Variants in BMAL2 observed in about 807,000 individuals in gnomAD.
BMAL2 encodes the protein basic helix-loop-helix ARNT like 2, also known as basic helix-loop-helix ARNT-like protein 2.
the BMAL2 span, among the ~76,000 whole-genome samples, chr12:27,342,080 G>A: frequency 6.6e-6 from 1 of 152,048 alleles, no homozygotes; most frequent in African/African-American, 2.4e-5. Context: ...GGGACCACAG[G>A]TGTGCACCAC....
chr12:27,378,809 T>C, the BMAL2 span, among the ~76,000 whole-genome samples: 1 of 152,140 alleles, frequency 6.6e-6, no homozygotes, highest in Non-Finnish European at 1.5e-5. Context: ...GAGCCTAAAT[T>C]AAGATGATGA....
chr12:27,380,901 G>A, the BMAL2 span, among the ~76,000 whole-genome samples: 1 of 152,034 alleles, frequency 6.6e-6, no homozygotes, highest in East Asian at 1.9e-4. Flanking sequence ...TGGGAGGATC[G>A]CTTGAGCCTG....
chr12:27,375,699 G>A, the BMAL2 span, among the ~76,000 whole-genome samples: 1 of 152,160 alleles, frequency 6.6e-6, no homozygotes, highest in African/African-American at 2.4e-5. Flanking sequence ...AATCTTTTAA[G>A]ATTACATATT....
the BMAL2 span, among the ~76,000 whole-genome samples, chr12:27,335,408 G>A: frequency 6.6e-6 from 1 of 152,194 alleles, no homozygotes; most frequent in East Asian, 1.9e-4. Context: ...CTCACTGCCA[G>A]AGATGGTCTG....
chr12:27,362,214 C>T, the BMAL2 span, among the ~76,000 whole-genome samples: 1 of 152,054 alleles, frequency 6.6e-6, no homozygotes, highest in African/African-American at 2.4e-5. Flanking sequence ...AAATTCCCTG[C>T]ACTTTTTCTG....
At chr12:27,355,088 T>C in the BMAL2 span, among the ~76,000 whole-genome samples, 3 of 152,194 alleles carry the variant, frequency 2.0e-5, no homozygotes, top group Non-Finnish European at 4.4e-5. Context: ...TATTTGAGCC[T>C]CATTGCCATT....
chr12:27,404,017 C>T, the BMAL2 span, among the ~76,000 whole-genome samples: 7 of 150,944 alleles, frequency 4.6e-5, no homozygotes, highest in African/African-American at 1.5e-4. Context: ...AAAAAATTAG[C>T]TGGATGTGGT....
At chr12:27,381,301 A>G in the BMAL2 span, among the ~76,000 whole-genome samples, 4,349 of 152,300 alleles carry the variant, frequency 0.029, 98 homozygotes, top group Non-Finnish European at 0.046. Flanking sequence ...CCATTCTTGC[A>G]TTGCTATGAA....
the BMAL2 span, among the ~76,000 whole-genome samples, chr12:27,409,962 G>T: frequency 0.78 from 118,119 of 151,878 alleles, 46,533 homozygotes; most frequent in Middle Eastern, 0.92. Flanking sequence ...CTCAAAAGAA[G>T]ACATTTATGC....
chr12:27,334,933 C>T, the BMAL2 span, among the ~76,000 whole-genome samples: 2 of 152,200 alleles, frequency 1.3e-5, no homozygotes, highest in African/African-American at 4.8e-5. Flanking sequence ...CAGGACATGA[C>T]AGAACTAGAG....
At chr12:27,389,290 G>T in the BMAL2 span, 1 of 1,583,334 alleles carries the variant, frequency 6.3e-7, no homozygotes, top group South Asian at 1.1e-5. Context: ...GCTAATAGAT[G>T]CCAAAAGTAA....
the BMAL2 span, among the ~76,000 whole-genome samples, chr12:27,365,291 C>A: frequency 1.9e-3 from 295 of 152,096 alleles, no homozygotes; most frequent in African/African-American, 6.5e-3. Flanking sequence ...TCATTAATTA[C>A]TAATATGAAG....
At chr12:27,361,065 T>G in the BMAL2 span, among the ~76,000 whole-genome samples, 1 of 152,200 alleles carries the variant, frequency 6.6e-6, no homozygotes. Flanking sequence ...TAAACTTTTA[T>G]GAAAAATGAA....
chr12:27,357,653 C>T, the BMAL2 span, among the ~76,000 whole-genome samples: 1 of 152,156 alleles, frequency 6.6e-6, no homozygotes, highest in Non-Finnish European at 1.5e-5. Flanking sequence ...CAGCATGGTA[C>T]TGGTATGAAA....
the BMAL2 span, chr12:27,377,357 T>G: frequency 6.6e-6 from 1 of 152,296 alleles, no homozygotes. Context: ...TCTTTCACCT[T>G]GCCCTGGGTT....
the BMAL2 span, among the ~76,000 whole-genome samples, chr12:27,405,310 T>TC: frequency 6.6e-6 from 1 of 152,158 alleles, no homozygotes; most frequent in Admixed American, 6.5e-5. Flanking sequence ...CTCAAGTGGG[T>TC]CCCTGACCCC....
chr12:27,342,166 A>G, the BMAL2 span, among the ~76,000 whole-genome samples: 1 of 152,116 alleles, frequency 6.6e-6, no homozygotes, highest in Non-Finnish European at 1.5e-5. Context: ...TCGAACTCCA[A>G]GCCTCAAGTG....
At chr12:27,351,433 C>T in the BMAL2 span, among the ~76,000 whole-genome samples, 1 of 152,176 alleles carries the variant, frequency 6.6e-6, no homozygotes, top group African/African-American at 2.4e-5. Flanking sequence ...TTTGCATGGA[C>T]TGTCCCTCCC....
chr12:27,408,236 A>G, the BMAL2 span, among the ~76,000 whole-genome samples: 12 of 152,086 alleles, frequency 7.9e-5, no homozygotes, highest in South Asian at 2.3e-3. Flanking sequence ...CTCCCTAACT[A>G]ATTTTATGAG....
Sources: gnomAD v4.1 joint callset for allele counts (sites outside exome capture counted in the v4.1 genomes callset) on GRCh38, gnomAD v4.1.1 for gene constraint, MANE v1.5 for transcripts, NCBI Gene and HGNC (gene_info 2026-07-23, HGNC 2026-07-21) for gene names.